Variants in MARCHF11 observed in about 807,000 individuals in gnomAD.
MARCHF11 encodes E3 ubiquitin-protein ligase MARCHF11.
In MARCHF11, 29 loss-of-function variants were observed where a neutral mutation model predicts 37.3. The observed-to-expected ratio is 0.78, with a 90% CI of 0.58 to 1.06. The LOEUF (loss-of-function observed/expected upper bound fraction) is 1.06. MARCHF11 is among the 50% of genes least tolerant of loss of function. The probability of loss-of-function intolerance (pLI) is 0.00; values close to 1 mark genes in which losing one functional copy is unlikely to be tolerated. For missense variants in MARCHF11, 482 were observed against 533.4 expected (o/e 0.90, Z 0.95); for synonymous variants, 233 against 228.0 (o/e 1.02, Z -0.20).
chr5:16,091,395 T>C (rs1029492680), intron 2 of MARCHF11, among the ~76,000 whole-genome samples: 5 of 152,222 alleles, frequency 3.3e-5, no homozygotes, highest in Non-Finnish European at 5.9e-5. Flanking sequence ...TTATCTTTCA[T>C]GCATGCACGA....
intron 2 of MARCHF11, among the ~76,000 whole-genome samples, chr5:16,130,251 T>TACACACACACACACAC (rs56978661): frequency 2.8e-5 from 4 of 144,294 alleles, no homozygotes; most frequent in Non-Finnish European, 4.6e-5. Context: ...TCCAGGTACA[T>TACACACACACACACAC]ACACACACAC....
intron 3 of MARCHF11, among the ~76,000 whole-genome samples, chr5:16,074,214 T>A (rs893583354): frequency 6.6e-6 from 1 of 152,162 alleles, no homozygotes; most frequent in Non-Finnish European, 1.5e-5. Context: ...ACGATAATAT[T>A]GACACAACCT....
intron 2 of MARCHF11, among the ~76,000 whole-genome samples, chr5:16,125,486 T>C (rs1737388308): frequency 6.6e-6 from 1 of 152,102 alleles, no homozygotes; most frequent in Non-Finnish European, 1.5e-5. Flanking sequence ...CCCAGTAATG[T>C]TTGGGGCTGC....
At chr5:16,178,980 GCTTGA>G (rs1738412980) in intron 1 of MARCHF11, 54 bp downstream of exon 1, 2 of 1,366,372 alleles carry the variant, frequency 1.5e-6, no homozygotes, top group East Asian at 6.2e-5. Context: ...GGTGCTGAAA[GCTTGA>G]CCGGCGCGAG....
rs114816039 is a variant in MARCHF11, at chr5:16,134,749, T to C, written c.693+42977A>G. ...AATAAGAAAGTGACTAAATAAGTTCTGGCATATCCTTATATTTAAAAGTTA... is the reference window on the plus strand; with the variant it reads ...AATAAGAAAGTGACTAAATAAGTTCCGGCATATCCTTATATTTAAAAGTTA... On this transcript the variant is annotated intron_variant, in intron 2 of 3. Transcript: ENST00000332432. 4.0e-3 allele frequency among the ~76,000 whole-genome samples: 609 copies of C among 152,304 alleles called. 3 individuals are homozygous for C. The highest frequency in any genetic ancestry group is 0.014 in the African/African-American group (585 of 41,560).
intron 2 of MARCHF11, among the ~76,000 whole-genome samples, chr5:16,126,591 G>A (rs766207767): frequency 6.6e-6 from 1 of 152,186 alleles, no homozygotes; most frequent in Non-Finnish European, 1.5e-5. Context: ...TATAATGATA[G>A]GGAAAAACTA....
chr5:16,098,836 T>C (rs566658541), intron 2 of MARCHF11, among the ~76,000 whole-genome samples: 1 of 150,952 alleles, frequency 6.6e-6, no homozygotes, highest in African/African-American at 2.4e-5. Context: ...CAGCAAAAGG[T>C]TGAAAAGTGA....
intron 2 of MARCHF11, among the ~76,000 whole-genome samples, chr5:16,162,663 G>A (rs1433559145): frequency 1.3e-5 from 2 of 151,592 alleles, no homozygotes; most frequent in Admixed American, 1.3e-4. Context: ...TGAGCCTAAT[G>A]GCTGAGATTT....
rs74693214 is a variant in MARCHF11 at position 16,084,272 on chromosome 5, A to T, written c.886+6617T>A. On this transcript the variant is annotated intron_variant, in intron 3 of 3. Coordinates refer to ENST00000332432, the MANE Select transcript of MARCHF11 (RefSeq NM_001102562.3). ...GTAATTCAAAGTAGTTTTCTTGTGC[A>T]TGCCAAAGTAGCTCTAGCTAGATAT... Among the ~76,000 whole-genome samples the T allele has an allele frequency of 2.0e-5, 3 of 152,340 alleles. No homozygotes were observed. The South Asian group carries it at 6.2e-4, about 32-fold the overall frequency.
intron 2 of MARCHF11, among the ~76,000 whole-genome samples, chr5:16,129,490 T>G (rs139327420): frequency 2.0e-3 from 298 of 152,342 alleles, no homozygotes; most frequent in African/African-American, 6.9e-3. Flanking sequence ...AATTCTTTAT[T>G]GTTAAGTCAA....
chr5:16,115,397 A>G (rs967587451), intron 2 of MARCHF11, among the ~76,000 whole-genome samples: 2 of 152,204 alleles, frequency 1.3e-5, no homozygotes. Context: ...CAGCCTCATC[A>G]GTTTATGAGA....
intron 2 of MARCHF11, among the ~76,000 whole-genome samples, chr5:16,161,539 T>C (rs1579420419): frequency 6.6e-6 from 1 of 151,994 alleles, no homozygotes; most frequent in Non-Finnish European, 1.5e-5. Context: ...CTCCATATTG[T>C]TAAAAGTTTT....
intron 2 of MARCHF11, among the ~76,000 whole-genome samples, chr5:16,134,881 A>G (rs994758313): frequency 6.6e-6 from 1 of 152,108 alleles, no homozygotes; most frequent in Non-Finnish European, 1.5e-5. Flanking sequence ...CATGAGTACA[A>G]TTCAATAAAA....
intron 3 of MARCHF11, among the ~76,000 whole-genome samples, chr5:16,070,188 T>C (rs1736408927): frequency 6.6e-6 from 1 of 152,232 alleles, no homozygotes; most frequent in Admixed American, 6.5e-5. Context: ...CTACCAGATT[T>C]TAATTGGTGG....
chr5:16,174,737 C>A (rs114763220), intron 2 of MARCHF11, among the ~76,000 whole-genome samples: 188 of 152,290 alleles, frequency 1.2e-3, no homozygotes, highest in African/African-American at 4.4e-3. Flanking sequence ...GTGATATGTG[C>A]TGATCTACCC....
chr5:16,092,308 G>A (rs779043005), intron 2 of MARCHF11, among the ~76,000 whole-genome samples: 11 of 152,054 alleles, frequency 7.2e-5, no homozygotes, highest in Non-Finnish European at 1.5e-4. Context: ...TTCTACATTT[G>A]TTAAAGATTA....
intron 2 of MARCHF11, among the ~76,000 whole-genome samples, chr5:16,158,983 A>G (rs1037189619): frequency 6.6e-6 from 1 of 151,900 alleles, no homozygotes; most frequent in African/African-American, 2.4e-5. Context: ...CACCCCCAAC[A>G]AATGATAAGT....
At chr5:16,125,619 C>CTGTGTGTG (rs34769733) in intron 2 of MARCHF11, among the ~76,000 whole-genome samples, 9 of 142,254 alleles carry the variant, frequency 6.3e-5, no homozygotes, top group Non-Finnish European at 1.4e-4. Context: ...GGCACACTCT[C>CTGTGTGTG]TGTGTGTGTG....
chr5:16,081,906 G>A (rs139587231), intron 3 of MARCHF11, among the ~76,000 whole-genome samples: 7 of 152,294 alleles, frequency 4.6e-5, no homozygotes, highest in Admixed American at 3.9e-4. Flanking sequence ...GGGGCAAGCA[G>A]CAAAAACAAG....
Sources: allele counts gnomAD v4.1 joint callset (sites outside exome capture counted in the v4.1 genomes callset), GRCh38; gene constraint gnomAD v4.1.1; transcripts MANE v1.5; gene names NCBI Gene and HGNC (gene_info 2026-07-23, HGNC 2026-07-21).